The following XKR6 variants were observed in gnomAD, a reference collection of about 807,000 sequenced individuals.
XKR6 encodes XK-related protein 6.
In XKR6, 22 loss-of-function variants were observed where a neutral mutation model predicts 56.7. The observed-to-expected ratio is 0.39, with a 90% CI of 0.28 to 0.55. The LOEUF (loss-of-function observed/expected upper bound fraction) is 0.55. Among genes scored for constraint, XKR6 ranks in the 20% least tolerant of loss-of-function variants. The pLI is 0.66. For missense variants in XKR6, 852 were observed against 889.0 expected (o/e 0.96, Z 0.53); for synonymous variants, 524 against 387.8 (o/e 1.35, Z -4.13).
chr8:10,983,126 A>G (rs1797773087), intron 1 of XKR6, among the ~76,000 whole-genome samples: 1 of 152,268 alleles, frequency 6.6e-6, no homozygotes, highest in Non-Finnish European at 1.5e-5. Context: ...ATAATGCAAC[A>G]AGATAACCCA....
At chr8:11,102,280 T>G (rs1798514268) in intron 1 of XKR6, among the ~76,000 whole-genome samples, 2 of 152,168 alleles carry the variant, frequency 1.3e-5, no homozygotes, top group Admixed American at 1.3e-4. Context: ...ATATTCAAAT[T>G]CATTTATGCC....
chr8:11,183,478 GTT>G (rs77467126), intron 1 of XKR6, among the ~76,000 whole-genome samples: 7 of 141,304 alleles, frequency 5.0e-5, no homozygotes, highest in African/African-American at 7.7e-5. Flanking sequence ...CACCTGTCTA[GTT>G]TTTTTTTTTT....
chr8:10,999,381 T>C (rs2129142617), intron 1 of XKR6, among the ~76,000 whole-genome samples: 2 of 152,378 alleles, frequency 1.3e-5, no homozygotes, highest in South Asian at 4.1e-4. Flanking sequence ...AAATTGTATT[T>C]AGAATATGTT....
intron 1 of XKR6, among the ~76,000 whole-genome samples, chr8:11,176,032 T>C (rs561518231): frequency 1.3e-5 from 2 of 152,310 alleles, no homozygotes; most frequent in East Asian, 1.9e-4. Context: ...TATACACTAC[T>C]CTGTGGGTGT....
intron 1 of XKR6, among the ~76,000 whole-genome samples, chr8:10,942,677 C>T (rs898816796): frequency 3.9e-5 from 6 of 152,194 alleles, no homozygotes; most frequent in South Asian, 2.1e-4. Flanking sequence ...ACGCTGCCCC[C>T]ATTATTGAGA....
chr8:11,146,821 A>T (rs1302025459), intron 1 of XKR6, among the ~76,000 whole-genome samples: 5 of 152,098 alleles, frequency 3.3e-5, no homozygotes, highest in African/African-American at 1.2e-4. Context: ...GCCATTTGTG[A>T]CTACATACAC....
chr8:11,041,181 T>G (rs1388950662), intron 1 of XKR6, among the ~76,000 whole-genome samples: 2 of 152,080 alleles, frequency 1.3e-5, no homozygotes, highest in African/African-American at 2.4e-5. Flanking sequence ...AGAAATGTTA[T>G]TCATGAGGAG....
chr8:11,190,978 T>C (rs993223921), intron 1 of XKR6, among the ~76,000 whole-genome samples: 18 of 152,198 alleles, frequency 1.2e-4, no homozygotes, highest in African/African-American at 3.9e-4. Context: ...TGGATTTTTG[T>C]CATACATTCT....
At chr8:11,009,755 G>A (rs1217139501) in intron 1 of XKR6, among the ~76,000 whole-genome samples, 1 of 152,180 alleles carries the variant, frequency 6.6e-6, no homozygotes. Context: ...GGACATCAGG[G>A]AAAACTAAGG....
chr8:11,022,047 A>C (rs1028395463), intron 1 of XKR6, among the ~76,000 whole-genome samples: 4 of 151,262 alleles, frequency 2.6e-5, no homozygotes, highest in Non-Finnish European at 5.9e-5. Flanking sequence ...CACTGGCCTG[A>C]AGGAGTTCAT....
chr8:10,962,912 C>T (rs750114100), intron 1 of XKR6, among the ~76,000 whole-genome samples: 6 of 152,178 alleles, frequency 3.9e-5, no homozygotes, highest in Non-Finnish European at 8.8e-5. Context: ...CATGAGCCAT[C>T]GCACCTGGAC....
intron 1 of XKR6, chr8:11,062,586 G>C: frequency 2.7e-6 from 1 of 368,588 alleles, no homozygotes; most frequent in South Asian, 2.1e-5. Context: ...AAATGCACTA[G>C]CAAGGGAGAG....
At chr8:11,008,987 CTTT>C (rs925537997) in intron 1 of XKR6, among the ~76,000 whole-genome samples, 5 of 151,896 alleles carry the variant, frequency 3.3e-5, no homozygotes, top group African/African-American at 1.2e-4. Context: ...GGATCCTTTC[CTTT>C]TAGATTGTTG....
At chr8:10,916,399 C>G (rs1800564681) in intron 2 of XKR6, among the ~76,000 whole-genome samples, 1 of 152,160 alleles carries the variant, frequency 6.6e-6, no homozygotes, top group African/African-American at 2.4e-5. Flanking sequence ...CCTTTTGTGT[C>G]CTTGATTTAG....
At chr8:11,157,014 C>T (rs1322196235) in intron 1 of XKR6, among the ~76,000 whole-genome samples, 1 of 152,218 alleles carries the variant, frequency 6.6e-6, no homozygotes, top group Non-Finnish European at 1.5e-5. Context: ...GTGACTATCA[C>T]ACATGCTCTA....
Position 10,986,211 on chromosome 8 carries a change from A to G in XKR6, c.765-61381T>C, listed in dbSNP as rs554175987. 3.3e-5 allele frequency among the ~76,000 whole-genome samples: 5 copies of G among 152,364 alleles called. No individual in the cohort carries two copies. In the East Asian group the frequency reaches 9.6e-4, roughly 29 times the overall value. ...ATTATTTAATAAGTGATGGTGGCCC[A>G]GATGATTCGACATCTGGAGAAAATA... On this transcript the variant is annotated intron_variant, in intron 1 of 2. Coordinates refer to ENST00000416569, the MANE Select transcript of XKR6 (RefSeq NM_173683.4).
chr8:11,131,673 T>A (rs1373719379), intron 1 of XKR6, among the ~76,000 whole-genome samples: 12 of 152,306 alleles, frequency 7.9e-5, no homozygotes, highest in African/African-American at 2.6e-4. Context: ...ACAACAATAT[T>A]CTGGTCAATG....
At chr8:11,056,611 A>G (rs1291871709) in intron 1 of XKR6, among the ~76,000 whole-genome samples, 1 of 152,208 alleles carries the variant, frequency 6.6e-6, no homozygotes, top group Non-Finnish European at 1.5e-5. Context: ...GGGGAAGGGC[A>G]GGTCACTGGG....
At chr8:10,956,516 G>A (rs1801893818) in intron 1 of XKR6, among the ~76,000 whole-genome samples, 1 of 152,172 alleles carries the variant, frequency 6.6e-6, no homozygotes, top group South Asian at 2.1e-4. Context: ...CTCAACTTGG[G>A]AGCTCAGCCA....
Sources: gnomAD v4.1 joint callset for allele counts (sites outside exome capture counted in the v4.1 genomes callset) on GRCh38, gnomAD v4.1.1 for gene constraint, MANE v1.5 for transcripts, NCBI Gene and HGNC (gene_info 2026-07-23, HGNC 2026-07-21) for gene names.